MUCL1: variants seen among roughly 807,000 people sequenced by gnomAD.
The protein encoded by MUCL1 is mucin-like protein 1.
A neutral mutation model predicts 9.2 loss-of-function variants in MUCL1; 11 were observed. The observed-to-expected ratio is 1.19, with a 90% CI of 0.75 to 1.97. The LOEUF is 1.97. Among genes scored for constraint, MUCL1 ranks in the 30% most tolerant of loss-of-function variants. The pLI is 0.00. For missense variants in MUCL1, 144 were observed against 110.9 expected, an observed-to-expected ratio of 1.30 and a Z score of -1.34; for synonymous variants, 48 against 40.5, an observed-to-expected ratio of 1.19 and a Z score of -0.71.
Position 54,855,395 on chromosome 12 carries a change from T to C in MUCL1, c.100+238T>C, listed in dbSNP as rs191529439. On this transcript the variant is annotated intron_variant, in intron 2 of 3. Transcript: ENST00000308796. ...CCATAGACTTATACAAATGTGGACT[T>C]ATTATTCATTGTTTTCCAGCATAAG... is the stretch of plus-strand genomic sequence containing the variant. 1,404 of 495,440 alleles carry C rather than the reference T, an allele frequency of 2.8e-3. 6 individuals carry two copies. The highest frequency in any genetic ancestry group is 4.6e-3 in the Admixed American group (140 of 30,748). The allele number at this position is 495,440 out of a possible 1,614,324, so 30.7% of individuals were successfully genotyped here.
At chr12:54,832,674 C>A (rs1959186976) in intron 1 of MUCL1, among the ~76,000 whole-genome samples, 1 of 152,050 alleles carries the variant, frequency 6.6e-6, no homozygotes, top group Non-Finnish European at 1.5e-5. Flanking sequence ...CTAAAACTGA[C>A]TGAGACATCA....
upstream of MUCL1, among the ~76,000 whole-genome samples, chr12:54,853,057 C>T (rs1046285316): frequency 1.3e-5 from 2 of 152,094 alleles, no homozygotes; most frequent in Non-Finnish European, 2.9e-5. Context: ...CTGATGGGGA[C>T]CTCTTAGCAT....
At chr12:54,857,851 A>T (rs1319068173) in intron 3 of MUCL1, among the ~76,000 whole-genome samples, 1 of 152,146 alleles carries the variant, frequency 6.6e-6, no homozygotes, top group Non-Finnish European at 1.5e-5. Flanking sequence ...CTCTGTCAAT[A>T]ATCTGTAAAG....
intron 1 of MUCL1, among the ~76,000 whole-genome samples, chr12:54,833,340 G>A (rs542604166): frequency 6.6e-6 from 1 of 151,802 alleles, no homozygotes; most frequent in South Asian, 2.1e-4. Flanking sequence ...CTTTTATTTA[G>A]TTTCAATAAT....
chr12:54,852,247 C>T (rs1281579738), upstream of MUCL1, among the ~76,000 whole-genome samples: 2 of 152,222 alleles, frequency 1.3e-5, no homozygotes, highest in African/African-American at 4.8e-5. Flanking sequence ...CACTACCTGA[C>T]TTCAAACTAT....
chr12:54,849,624 G>A (rs1405206323), upstream of MUCL1, among the ~76,000 whole-genome samples: 1 of 151,850 alleles, frequency 6.6e-6, no homozygotes, highest in Non-Finnish European at 1.5e-5. Flanking sequence ...ATTTTATATA[G>A]AATATATTGC....
At chr12:54,833,483 T>G (rs1959188125) in intron 1 of MUCL1, among the ~76,000 whole-genome samples, 1 of 152,148 alleles carries the variant, frequency 6.6e-6, no homozygotes, top group South Asian at 2.1e-4. Flanking sequence ...TTGTTTTAAT[T>G]TTTTTCCTTA....
chr12:54,854,161 A>C (rs1010956672), upstream of MUCL1, among the ~76,000 whole-genome samples: 1 of 152,038 alleles, frequency 6.6e-6, no homozygotes, highest in African/African-American at 2.4e-5. Flanking sequence ...TAAGTGTATG[A>C]CTCCTAGAAT....
In MUCL1 at chr12:54,856,841, C is replaced by CCTACCACTGCAACCACCGCTGCTT; in HGVS notation, c.183_206dup (p.Thr62_Ala69dup). ...TGCAACCACTGCAACCACTGCTGCT[C>CCTACCACTGCAACCACCGCTGCTT]CTACCACTGCAACCACCGCTGCTTC... On this transcript the variant is annotated inframe_insertion, in exon 3 of 4. Transcript: ENST00000308796. 1.2e-6 allele frequency: 2 copies of CCTACCACTGCAACCACCGCTGCTT among 1,612,586 alleles called. No individual in the cohort carries two copies. The highest frequency in any genetic ancestry group is 2.2e-5 in the East Asian group (1 of 44,664).
chr12:54,845,501 C>G (rs911168264), intron 1 of MUCL1, among the ~76,000 whole-genome samples: 1 of 152,152 alleles, frequency 6.6e-6, no homozygotes, highest in Non-Finnish European at 1.5e-5. Flanking sequence ...TGTTCTGCAA[C>G]AAAACAAGGC....
At chr12:54,845,478 T>C (rs922683899) in intron 1 of MUCL1, among the ~76,000 whole-genome samples, 1 of 152,156 alleles carries the variant, frequency 6.6e-6, no homozygotes, top group Non-Finnish European at 1.5e-5. Context: ...GACGGTTTCC[T>C]GTCTCTTAAG....
rs1462252234 is a variant in MUCL1, at chr12:54,855,138, A to T, written c.81A>T (p.Pro27=). The T allele has an allele frequency of 1.9e-6, 3 of 1,613,446 alleles. No homozygotes were observed. Among genetic ancestry groups the T allele is most frequent in the Non-Finnish European group, 2.5e-6 (3 of 1,179,644 alleles). ...VSAQNPTTAA[P]ADTYPATGPA... ...CAGAGAATCCGACAACAGCTGCTCCAGCTGACACGTATCCAGCTAGTGAGT... is the reference window on the plus strand; with the variant it reads ...CAGAGAATCCGACAACAGCTGCTCCTGCTGACACGTATCCAGCTAGTGAGT... Residue 27 remains proline, a synonymous_variant, in exon 2 of 4, where the codon CCA becomes CCT. Transcript: ENST00000308796.
At chr12:54,844,877 A>G (rs1031607797) in intron 1 of MUCL1, among the ~76,000 whole-genome samples, 2 of 152,220 alleles carry the variant, frequency 1.3e-5, no homozygotes, top group Non-Finnish European at 2.9e-5. Flanking sequence ...GAAAAAAACC[A>G]CTGCAAAATA....
At chr12:54,838,826 T>G (rs989065172), upstream of MUCL1, among the ~76,000 whole-genome samples, 3 of 152,064 alleles carry the variant, frequency 2.0e-5, no homozygotes, top group Admixed American at 2.0e-4. Flanking sequence ...ATTATTATCC[T>G]GAATTGTTTT....
intron 3 of MUCL1, 21 bp downstream of exon 3, chr12:54,856,913 G>C: frequency 6.2e-7 from 1 of 1,613,280 alleles, no homozygotes; most frequent in Non-Finnish European, 8.5e-7. Context: ...TCCTCCATCT[G>C]TGTGCTTCCT....
At chr12:54,841,496 C>G (rs1592246429) in intron 1 of MUCL1, among the ~76,000 whole-genome samples, 1 of 152,304 alleles carries the variant, frequency 6.6e-6, no homozygotes. Context: ...CACATCCTCA[C>G]CAACCCTGCC....
intron 1 of MUCL1, among the ~76,000 whole-genome samples, chr12:54,843,441 G>T (rs1959222655): frequency 6.6e-6 from 1 of 152,186 alleles, no homozygotes; most frequent in Non-Finnish European, 1.5e-5. Flanking sequence ...CCCAAAGATG[G>T]TCCACATTTT....
chr12:54,858,376 C>T lies in MUCL1; in HGVS notation c.*134C>T. On this transcript the variant is annotated 3_prime_UTR_variant, in exon 4 of 4. Transcript: ENST00000308796. ...TTATTTTCTTTCAAATAAAAAATAA[C>T]TATGAGCAACATAAAAATGGTATTT... 1.8e-6 allele frequency: 2 copies of T among 1,126,964 alleles called. No homozygotes were observed. The highest frequency in any genetic ancestry group is 2.6e-6 in the Non-Finnish European group (2 of 766,732). 69.8% of individuals were successfully genotyped at this position (1,126,964 alleles called of 1,614,324 possible).
exon 1 of MUCL1, chr12:54,839,393 C>A (rs1959200123): frequency 1.4e-6 from 1 of 701,836 alleles, no homozygotes; most frequent in Admixed American, 2.0e-5. Flanking sequence ...ACAGTTCAGG[C>A]TTCTGGCCAG....
Sources: allele counts gnomAD v4.1 joint callset (sites outside exome capture counted in the v4.1 genomes callset), GRCh38; gene constraint gnomAD v4.1.1; transcripts MANE v1.5; gene names NCBI Gene and HGNC (gene_info 2026-07-23, HGNC 2026-07-21).